Variants in COL9A3 observed in about 807,000 individuals in gnomAD.
COL9A3 encodes the protein collagen alpha-3(IX) chain.
COL9A3 carries 82 observed loss-of-function variants against 110.2 expected under a neutral mutation model. The ratio of observed to expected loss-of-function variants is 0.74; its 90% CI spans 0.62 to 0.89. The LOEUF is 0.89. COL9A3 is among the 40% of genes least tolerant of loss of function. The pLI is 0.00. For missense variants in COL9A3, 1,066 were observed against 981.3 expected, an observed-to-expected ratio of 1.09 and a Z score of -1.15; for synonymous variants, 494 against 403.8, an observed-to-expected ratio of 1.22 and a Z score of -2.68.
Position 62,840,730 on chromosome 20 carries a change from T to A in COL9A3, c.2053T>A (p.Ter685LysextTer4). ...VGEKSGSRSS[*>K] ...GGAGAAATCAGGCTCTCGAAGCTCA[T>A]AAAATTCAACGTGAGGAAGCAAGTG... Residue 685 changes from the stop codon to lysine, a stop_lost, in exon 32 of 32, where the codon TAA becomes AAA. Transcript: ENST00000649368. 1 of 1,564,894 alleles carries A rather than the reference T, an allele frequency of 6.4e-7. No individual in the cohort carries two copies. Among genetic ancestry groups the A allele is most frequent in the Non-Finnish European group, 8.7e-7 (1 of 1,153,884 alleles).
chr20:62,816,543 C>A (rs1485699206), upstream of COL9A3, among the ~76,000 whole-genome samples: 1 of 152,198 alleles, frequency 6.6e-6, no homozygotes, highest in Non-Finnish European at 1.5e-5. Flanking sequence ...ACAGTGACCC[C>A]GGAGCGGGAA....
chr20:62,836,135 G>A, intron 27 of COL9A3, 52 bp from the exon 28 acceptor site: 1 of 1,604,368 alleles, frequency 6.2e-7, no homozygotes, highest in Non-Finnish European at 8.5e-7. Context: ...CGTCGGGGTG[G>A]CTCTGGGCTC....
chr20:62,837,292 C>T (rs1421279752), intron 30 of COL9A3, 27 bp downstream of exon 30: 1 of 1,602,260 alleles, frequency 6.2e-7, no homozygotes, highest in South Asian at 1.1e-5. Context: ...ATGACACGGT[C>T]ACCCTGCTGT....
At chr20:62,835,263 A>G (rs1310703210) in intron 26 of COL9A3, among the ~76,000 whole-genome samples, 1 of 152,158 alleles carries the variant, frequency 6.6e-6, no homozygotes, top group East Asian at 1.9e-4. Context: ...CTAGTTCTGG[A>G]GGCTGGGAAG....
intron 31 of COL9A3, 48 bp from the exon 32 acceptor site, chr20:62,840,494 C>G: frequency 1.3e-6 from 2 of 1,553,052 alleles, no homozygotes; most frequent in Non-Finnish European, 8.9e-7. Context: ...AGTCCCCCTG[C>G]TTTCAGTCCG....
Position 62,836,225 on chromosome 20 carries a change from G to C in COL9A3, c.1440G>C (p.Gln480His), listed in dbSNP as rs1235841356. 2 of 1,613,544 alleles carry C rather than the reference G, an allele frequency of 1.2e-6. No individual in the cohort carries two copies. Among genetic ancestry groups the C allele is most frequent in the East Asian group, 2.2e-5 (1 of 44,900 alleles). Residue 480 changes from glutamine (Q) to histidine (H), a missense_variant, in exon 28 of 32, where the codon CAG (glutamine) becomes CAC (histidine). By Grantham distance (24) the Gln-to-His change is conservative. Coordinates refer to ENST00000649368, the MANE Select transcript of COL9A3 (RefSeq NM_001853.4). Reference sequence around the variant, plus strand: ...GGGAGCTGGGCCCCAAAGGCACCCAGGGTCCCAACGGCACCAGCGGTGTTC... The same window carrying C: ...GGGAGCTGGGCCCCAAAGGCACCCACGGTCCCAACGGCACCAGCGGTGTTC... ...SRGELGPKGT[Q>H]GPNGTSGVQG...
At chr20:62,825,960 G>A in intron 13 of COL9A3, 90 bp downstream of exon 13, 1 of 1,409,562 alleles carries the variant, frequency 7.1e-7, no homozygotes, top group South Asian at 1.3e-5. Flanking sequence ...GAGGGGGCCA[G>A]CTCCGGCTGG....
At chr20:62,833,833 GATTATAGGCCCTCCCAC>G (rs571913044) in intron 26 of COL9A3, among the ~76,000 whole-genome samples, 1 of 152,002 alleles carries the variant, frequency 6.6e-6, no homozygotes, top group Non-Finnish European at 1.5e-5. Context: ...GAGTAGCCAG[GATTATAGGCCCTCCCAC>G]AGTCGACTAA....
In COL9A3 at chr20:62,829,471, C is replaced by T. The variant is rs375482730; in HGVS notation, c.1025C>T (p.Ala342Val). ...TCCTGGCAGGGCCTCCCTGGACGAG[C>T]GGGGTCCAAAGGCGAGAAGGGAGAA... ...PNGLPGLPGR[A>V]GSKGEKGERG... Residue 342 changes from alanine to valine, a missense_variant, in exon 20 of 32, where the codon GCG (alanine) becomes GTG (valine). Transcript: ENST00000649368. The T allele has an allele frequency of 1.5e-5, 24 of 1,608,130 alleles. No individual in the cohort carries two copies. The highest frequency in any genetic ancestry group is 8.4e-5 in the Admixed American group (5 of 59,794).
chr20:62,817,563 T>G lies in COL9A3; in HGVS notation c.79-4T>G, dbSNP rs1438753682. 1 of 1,542,124 alleles carries G rather than the reference T, an allele frequency of 6.5e-7. No homozygotes were observed. The highest frequency in any genetic ancestry group is 2.0e-5 in the Admixed American group (1 of 51,050). On this transcript the variant is annotated splice_polypyrimidine_tract_variant and splice_region_variant and intron_variant, in intron 1 of 31. Coordinates refer to ENST00000649368, the MANE Select transcript of COL9A3 (RefSeq NM_001853.4). The stretch of plus-strand genomic sequence containing the variant: ...CGCTCCTTAATGAGTTTTCTCCGTT[T>G]CAGAGAGTGGGACTCCCCGGCCCCC...
In COL9A3 at chr20:62,817,083, T is replaced by C; in HGVS notation, c.19T>C (p.Cys7Arg). The C allele has an allele frequency of 2.9e-6, 4 of 1,390,158 alleles. No homozygotes were observed. Among genetic ancestry groups the C allele is most frequent in the Non-Finnish European group, 2.8e-6 (3 of 1,066,236 alleles). 86.1% of individuals were successfully genotyped at this position (1,390,158 alleles called of 1,614,324 possible). A position where few individuals can be genotyped will look rare whatever the true frequency, so the allele number is the denominator to read the frequency against. ...CTCAGCCATGGCCGGGCCGCGCGCG[T>C]GCGCCCCGCTCCTGCTCCTGCTCCT... MAGPRA[C>R]APLLLLLLLG... Residue 7 changes from cysteine (C) to arginine (R), a missense_variant, in exon 1 of 32, where the codon TGC becomes CGC. Coordinates refer to ENST00000649368, the MANE Select transcript of COL9A3 (RefSeq NM_001853.4).
chr20:62,819,434 CAG>C (rs1017279649), intron 4 of COL9A3, 141 bp downstream of exon 4: 6 of 820,318 alleles, frequency 7.3e-6, no homozygotes, highest in African/African-American at 3.4e-5. Flanking sequence ...AAGTCCCCAA[CAG>C]GGGTCCTTTG....
At chr20:62,818,013 G>T (rs533020715) in intron 2 of COL9A3, 2 of 374,886 alleles carry the variant, frequency 5.3e-6, no homozygotes, top group Admixed American at 3.7e-5. Context: ...AGCCAGCCAT[G>T]GAGGGGGCTT....
At position 62,835,664 on chromosome 20, in the gene COL9A3, G is replaced by A. The variant is rs1044484055; in HGVS notation, c.1369-257G>A. Reference sequence around the variant, plus strand: ...AAAAAGGAATGGAAGCAAAGTAAGCGTGTGTAAGAGACAGCACCGTGCAGC... The same window carrying A: ...AAAAAGGAATGGAAGCAAAGTAAGCATGTGTAAGAGACAGCACCGTGCAGC... On this transcript the variant is annotated intron_variant, in intron 26 of 31. Transcript: ENST00000649368. Among the ~76,000 whole-genome samples, 5 of 152,166 alleles carry A rather than the reference G, an allele frequency of 3.3e-5. No individual in the cohort carries two copies. In the East Asian group the frequency reaches 5.8e-4, roughly 18 times the overall value.
chr20:62,821,577 G>A (rs781768537), intron 7 of COL9A3, 47 bp downstream of exon 7: 12 of 1,612,084 alleles, frequency 7.4e-6, no homozygotes, highest in African/African-American at 4.0e-5. Context: ...CGCAAGTCCC[G>A]AGAGCCTGCC....
chr20:62,825,860 TG>T lies in COL9A3; in HGVS notation c.678del (p.Leu227CysfsTer306). ...GGGCCCGCCGGCCTCCCGGGCAGCG[TG>T]GGGCTGCAGGTGAGGCTAGGAAGGG... ...PPGPAGLPGS[V>X]GLQGPRGLRG... On this transcript the variant is annotated frameshift_variant, in exon 13 of 32. Coordinates refer to ENST00000649368, the MANE Select transcript of COL9A3 (RefSeq NM_001853.4). LOFTEE classifies it high-confidence loss of function. The T allele has an allele frequency of 6.4e-7, 1 of 1,559,394 alleles. No individual in the cohort carries two copies. The highest frequency in any genetic ancestry group is 8.7e-7 in the Non-Finnish European group (1 of 1,151,518).
intron 9 of COL9A3, 69 bp downstream of exon 9, chr20:62,822,233 T>C: frequency 1.2e-6 from 1 of 865,240 alleles, no homozygotes; most frequent in Non-Finnish European, 2.0e-6. Context: ...ACCCTCCCCA[T>C]TCCCCCTCCC....
chr20:62,829,028 T>C (rs1483525691), intron 19 of COL9A3, 52 bp downstream of exon 19: 2 of 1,547,658 alleles, frequency 1.3e-6, no homozygotes, highest in Admixed American at 3.8e-5. Context: ...TTCTGCCTGC[T>C]CAGTGGCCCA....
intron 11 of COL9A3, 38 bp downstream of exon 11, chr20:62,824,539 T>G (rs552427559): frequency 6.4e-7 from 1 of 1,558,912 alleles, no homozygotes; most frequent in Non-Finnish European, 8.7e-7. Flanking sequence ...CACCACCCTG[T>G]GCTGGGCAGG....
Sources: gnomAD v4.1 joint callset for allele counts (sites outside exome capture counted in the v4.1 genomes callset) on GRCh38, gnomAD v4.1.1 for gene constraint, MANE v1.5 for transcripts, NCBI Gene and HGNC (gene_info 2026-07-23, HGNC 2026-07-21) for gene names.